Variants in NEB observed in about 807,000 individuals in gnomAD.
The protein encoded by NEB is nebulin, also known as nemaline myopathy type 2.
NEB carries 512 observed loss-of-function variants against 952.2 expected under a neutral mutation model. The ratio of observed to expected loss-of-function variants is 0.54; its 90% CI spans 0.50 to 0.58. The LOEUF (loss-of-function observed/expected upper bound fraction) is 0.58. Ranked by LOEUF, NEB falls within the 20% of genes least tolerant of loss-of-function variation. The pLI is 0.00. For missense variants in NEB, 8,428 were observed against 9,231.1 expected, an observed-to-expected ratio of 0.91 and a Z score of 3.56; for synonymous variants, 2,900 against 3,149.8, an observed-to-expected ratio of 0.92 and a Z score of 2.66.
At chr2:151,674,792 T>C (rs1408711959) in intron 35 of NEB, among the ~76,000 whole-genome samples, 2 of 152,146 alleles carry the variant, frequency 1.3e-5, no homozygotes, top group African/African-American at 2.4e-5. Context: ...TTTTGACACA[T>C]ATTGAAGAGA....
chr2:151,551,143 A>AT (rs2095307615), intron 129 of NEB, among the ~76,000 whole-genome samples: 2 of 150,218 alleles, frequency 1.3e-5, no homozygotes, highest in Non-Finnish European at 3.0e-5. Context: ...AATTTTTTGT[A>AT]TTTTTAGTAG....
intron 147 of NEB, 74 bp downstream of exon 147, chr2:151,527,407 A>G (rs1258721216): frequency 1.8e-6 from 2 of 1,115,268 alleles, no homozygotes; most frequent in African/African-American, 3.1e-5. Flanking sequence ...GATAGTGGTT[A>G]TTATAAATAA....
Position 151,625,649 on chromosome 2 carries a change from T to C in NEB, c.10348-11A>G, listed in dbSNP as rs770948399. The C allele has an allele frequency of 1.5e-5, 22 of 1,485,640 alleles. No individual in the cohort carries two copies. The South Asian group carries it at 1.8e-4, about 12-fold the overall frequency. The allele number at this position is 1,485,640 out of a possible 1,614,324, so 92.0% of individuals were successfully genotyped here. On this transcript the variant is annotated splice_polypyrimidine_tract_variant and intron_variant, in intron 70 of 181. Transcript: ENST00000397345. ...TTCTGTGTATAAGCGCTGTGAAGGA[T>C]AAAAAGGTTAATGAATTAGAAAAAC...
rs537272980 is a variant in NEB at position 151,525,660 on chromosome 2, T to TAATA, written c.22161+294_22161+297dup. Among the ~76,000 whole-genome samples the TAATA allele has an allele frequency of 2.4e-3, 359 of 152,334 alleles. 9 individuals are homozygous for TAATA. The East Asian group carries it at 0.046, about 19-fold the overall frequency. ...TTTCTAAAATTGGGTAGCAGTTTAATAATAGGAGAGGCCACTCCTAATCAA... is the reference window on the plus strand; with the variant it reads ...TTTCTAAAATTGGGTAGCAGTTTAATAATAAATAGGAGAGGCCACTCCTAATCAA... On this transcript the variant is annotated intron_variant, in intron 150 of 181. Transcript: ENST00000397345.
Position 151,583,916 on chromosome 2 carries a change from A to G in NEB, c.15664-150T>C. 3 of 849,682 alleles carry G rather than the reference A, an allele frequency of 3.5e-6. 1 individual carries two copies. The highest frequency in any genetic ancestry group is 5.1e-6 in the Non-Finnish European group (3 of 591,268). 52.6% of individuals were successfully genotyped at this position (849,682 alleles called of 1,614,324 possible). Reference sequence around the variant, plus strand: ...CATTACATATTTCAGTTCACTTTAAAGAAGTTAGATAATACGATTTTGGGT... The same window carrying G: ...CATTACATATTTCAGTTCACTTTAAGGAAGTTAGATAATACGATTTTGGGT... On this transcript the variant is annotated intron_variant, in intron 100 of 181. Coordinates refer to ENST00000397345, the MANE Select transcript of NEB (RefSeq NM_001164508.2).
chr2:151,702,163 T>C (rs1442065588), intron 13 of NEB, among the ~76,000 whole-genome samples: 33 of 147,522 alleles, frequency 2.2e-4, no homozygotes, highest in Non-Finnish European at 4.7e-4. Context: ...AGTTTCCATG[T>C]AGTTGAGCGG....
At position 151,679,815 on chromosome 2, in the gene NEB, G is replaced by T; in HGVS notation, c.3161C>A (p.Ala1054Glu). The T allele has an allele frequency of 1.2e-6, 2 of 1,613,568 alleles. No homozygotes were observed. The highest frequency in any genetic ancestry group is 2.2e-5 in the South Asian group (2 of 91,072). The change falls in exon 32 of 182, where the codon GCA (alanine) becomes GAA (glutamate). Residue 1054 changes from alanine to glutamate, a missense_variant. Coordinates refer to ENST00000397345, the MANE Select transcript of NEB (RefSeq NM_001164508.2). ...CTTCTTGCTCAAGTCTTTCAAGTCT[G>T]CTTTGTACATATTCTGAAAGAAAAA... ...AYNISENMYK[A>E]DLKDLSKKGY...
intron 170 of NEB, 175 bp from the exon 171 acceptor site, chr2:151,497,893 T>TAGAG: frequency 6.7e-7 from 1 of 1,486,638 alleles, no homozygotes; most frequent in Admixed American, 2.8e-5. Context: ...CTGCACCCTC[T>TAGAG]AGAGAAGCAG....
chr2:151,541,158 G>A (rs1259653282), intron 136 of NEB, among the ~76,000 whole-genome samples: 6 of 151,962 alleles, frequency 3.9e-5, no homozygotes, highest in Admixed American at 3.3e-4. Context: ...GTTTGTCTGC[G>A]GATAACAGGA....
chr2:151,622,093 C>G (rs1048190203), intron 71 of NEB, among the ~76,000 whole-genome samples: 5 of 152,108 alleles, frequency 3.3e-5, no homozygotes, highest in African/African-American at 1.2e-4. Flanking sequence ...CACTGCCTCC[C>G]AGGTTCAAGC....
chr2:151,527,256 C>A (rs1190589769), intron 147 of NEB, among the ~76,000 whole-genome samples: 2 of 151,182 alleles, frequency 1.3e-5, no homozygotes, highest in Admixed American at 6.6e-5. Context: ...CAGCCTCAGT[C>A]AGAACTCAGT....
At chr2:151,562,849 T>C (rs1439620059) in intron 119 of NEB, 41 bp from the exon 120 acceptor site, 1 of 1,400,510 alleles carries the variant, frequency 7.1e-7, no homozygotes, top group Non-Finnish European at 9.9e-7. Context: ...GGGGTTTAAA[T>C]GTAAATTATT....
At chr2:151,519,918 A>T in intron 153 of NEB, 150 bp from the exon 154 acceptor site, 1 of 551,736 alleles carries the variant, frequency 1.8e-6, no homozygotes, top group South Asian at 2.8e-5. Flanking sequence ...TAGAGTAAAG[A>T]AGACACTATT....
chr2:151,615,769 G>A (rs767065257), intron 76 of NEB: 8 of 393,996 alleles, frequency 2.0e-5, no homozygotes, highest in East Asian at 9.0e-5. Flanking sequence ...TTTGGTGTCC[G>A]TAAAACACTT....
chr2:151,671,568 A>G (rs1324025772), intron 37 of NEB, among the ~76,000 whole-genome samples: 1 of 152,188 alleles, frequency 6.6e-6, no homozygotes, highest in East Asian at 1.9e-4. Flanking sequence ...GAAGCCTAAT[A>G]AAATAGAAAT....
chr2:151,546,557 C>CA (rs2094719015), intron 133 of NEB, 114 bp from the exon 134 acceptor site: 2 of 352,290 alleles, frequency 5.7e-6, no homozygotes, highest in South Asian at 4.0e-5. Context: ...GGTTCATCTA[C>CA]TTTTTTTTTT....
chr2:151,680,858 A>G (rs2099409100), intron 29 of NEB, 30 bp from the exon 30 acceptor site: 4 of 1,520,960 alleles, frequency 2.6e-6, no homozygotes, highest in Non-Finnish European at 3.7e-6. Flanking sequence ...GAGAAAAACA[A>G]TCTTGTTTTC....
At chr2:151,554,085 T>G in intron 125 of NEB, 60 bp from the exon 126 acceptor site, 3 of 1,518,844 alleles carry the variant, frequency 2.0e-6, no homozygotes, top group Non-Finnish European at 2.7e-6. Flanking sequence ...ATCATGGCCA[T>G]ACATGAGAAG....
At chr2:151,643,789 T>C (rs1424784124) in intron 57 of NEB, 29 bp downstream of exon 57, 1 of 1,602,098 alleles carries the variant, frequency 6.2e-7, no homozygotes, top group Middle Eastern at 1.7e-4. Context: ...CATAATGTTT[T>C]GTTGGCCAAA....
Sources: gnomAD v4.1 joint callset for allele counts (sites outside exome capture counted in the v4.1 genomes callset) on GRCh38, gnomAD v4.1.1 for gene constraint, MANE v1.5 for transcripts, NCBI Gene and HGNC (gene_info 2026-07-23, HGNC 2026-07-21) for gene names.